Variants in CROT observed in about 807,000 individuals in gnomAD.
The protein encoded by CROT is carnitine O-octanoyltransferase.
CROT carries 84 observed loss-of-function variants against 89.2 expected under a neutral mutation model. That is an observed-to-expected ratio of 0.94 (90% CI 0.79 to 1.13). CROT has a LOEUF of 1.13. Among genes scored for constraint, CROT ranks in the 50% most tolerant of loss-of-function variants. CROT has a pLI of 0.00. For missense variants in CROT, 711 were observed against 727.8 expected (o/e 0.98, Z 0.27); for synonymous variants, 212 against 239.5 (o/e 0.89, Z 1.06).
intron 14 of CROT, 103 bp from the exon 15 acceptor site, chr7:87,392,463 C>A: frequency 2.4e-6 from 2 of 839,032 alleles, no homozygotes; most frequent in Non-Finnish European, 3.9e-6. Context: ...GAAATCTTTC[C>A]TCTCCCAAAT....
Position 87,398,548 on chromosome 7 carries a change from G to C in CROT, c.1743G>C (p.Trp581Cys). 6.2e-7 allele frequency: 1 copy of C among 1,613,742 alleles called. No homozygotes were observed. Among genetic ancestry groups the C allele is most frequent in the Non-Finnish European group, 8.5e-7 (1 of 1,179,888 alleles). The change falls in exon 18 of 18, where the codon TGG (tryptophan) becomes TGC (cysteine). Residue 581 changes from tryptophan to cysteine, a missense_variant. Transcript: ENST00000331536. ...GGTTTGTTGTGGCCTGTTCAGCCTG[G>C]AAATCCTGTCCCGAGACTGATGCGG... ...DDRFVVACSAWKSCPETDAEK... is the reference protein window; with the variant it reads ...DDRFVVACSACKSCPETDAEK...
rs1054795492 is a variant in CROT at position 87,392,792 on chromosome 7, G to A, written c.1567G>A (p.Glu523Lys). 3.1e-6 allele frequency: 5 copies of A among 1,613,632 alleles called. No individual in the cohort carries two copies. Among genetic ancestry groups the A allele is most frequent in the South Asian group, 2.2e-5 (2 of 91,072 alleles). The change falls in exon 16 of 18, where the codon GAA (glutamate) becomes AAA (lysine). Residue 523 changes from glutamate to lysine, a missense_variant. By Grantham distance (56) the Glu-to-Lys change is moderately conservative (BLOSUM62 1). Transcript: ENST00000331536. ...AAAAGAGGAAGGTCTTCCTGTTCCA[G>A]AACTCTTTACGGACCCACTTTTTTC... is the stretch of plus-strand genomic sequence containing the variant. ...IAKEEGLPVP[E>K]LFTDPLFSKS...
chr7:87,391,478 T>C, intron 13 of CROT, 111 bp from the exon 14 acceptor site: 1 of 1,017,498 alleles, frequency 9.8e-7, no homozygotes, highest in East Asian at 2.7e-5. Context: ...AACCTATCTG[T>C]GTTAAAGGGC....
At chr7:87,351,329 A>AG (rs1194608394) in intron 3 of CROT, among the ~76,000 whole-genome samples, 1 of 151,210 alleles carries the variant, frequency 6.6e-6, no homozygotes, top group African/African-American at 2.4e-5. Flanking sequence ...AAAAAAAAAA[A>AG]AAAGAAAAGG....
At chr7:87,353,441 G>A (rs1584618868) in intron 3 of CROT, among the ~76,000 whole-genome samples, 3 of 152,084 alleles carry the variant, frequency 2.0e-5, no homozygotes, top group East Asian at 3.9e-4. Context: ...GAGCCACTAC[G>A]CCTGGCCCTT....
chr7:87,389,629 G>A (rs1235245719), intron 13 of CROT, among the ~76,000 whole-genome samples: 4 of 151,752 alleles, frequency 2.6e-5, no homozygotes, highest in Non-Finnish European at 5.9e-5. Flanking sequence ...TCATGGGGTG[G>A]GGGGCTAGGG....
intron 2 of CROT, among the ~76,000 whole-genome samples, chr7:87,348,149 C>T (rs573556117): frequency 2.6e-5 from 4 of 151,942 alleles, no homozygotes; most frequent in Non-Finnish European, 5.9e-5. Context: ...TCAATATTAA[C>T]GTTCTTTGAT....
At chr7:87,397,210 G>A (rs1252019701) in intron 17 of CROT, among the ~76,000 whole-genome samples, 5 of 152,020 alleles carry the variant, frequency 3.3e-5, no homozygotes, top group Admixed American at 6.6e-5. Flanking sequence ...AAATTAGCTG[G>A]TGTGGTAGCA....
intron 7 of CROT, among the ~76,000 whole-genome samples, chr7:87,370,835 A>G (rs898965666): frequency 1.3e-5 from 2 of 152,166 alleles, no homozygotes; most frequent in South Asian, 2.1e-4. Flanking sequence ...TTCTGTCTGG[A>G]GCACACCCAG....
chr7:87,395,086 A>G (rs1423778636), intron 17 of CROT, among the ~76,000 whole-genome samples: 2 of 152,190 alleles, frequency 1.3e-5, no homozygotes, highest in Non-Finnish European at 2.9e-5. Context: ...TTTAAGAAGT[A>G]TGTAAGAAGC....
Position 87,392,824 on chromosome 7 carries a change from G to C in CROT, c.1598+1G>C. 6.2e-7 allele frequency: 1 copy of C among 1,612,638 alleles called. No homozygotes were observed. Among genetic ancestry groups the C allele is most frequent in the Non-Finnish European group, 8.5e-7 (1 of 1,179,250 alleles). On this transcript the variant is annotated splice_donor_variant, in intron 16 of 17. Transcript: ENST00000331536. LOFTEE classifies it high-confidence loss of function. ...TTACGGACCCACTTTTTTCCAAAAGGTAATATAGTGTAGTGTTTTACAGCT... is the reference window on the plus strand; with the variant it reads ...TTACGGACCCACTTTTTTCCAAAAGCTAATATAGTGTAGTGTTTTACAGCT...
chr7:87,396,305 C>A (rs1807522404), intron 17 of CROT, among the ~76,000 whole-genome samples: 1 of 152,104 alleles, frequency 6.6e-6, no homozygotes, highest in South Asian at 2.1e-4. Flanking sequence ...GTCACCACAC[C>A]AGAGGAATTA....
intron 3 of CROT, among the ~76,000 whole-genome samples, chr7:87,358,350 C>T (rs1018138776): frequency 5.3e-5 from 8 of 150,166 alleles, no homozygotes; most frequent in East Asian, 3.9e-4. Flanking sequence ...GGAGTGGTGG[C>T]GGGCGCCTGT....
intron 3 of CROT, chr7:87,354,426 G>A (rs1393551779): frequency 5.8e-6 from 3 of 517,402 alleles, no homozygotes; most frequent in African/African-American, 1.9e-5. Flanking sequence ...GTATATTCAA[G>A]GTTATGATTA....
intron 3 of CROT, among the ~76,000 whole-genome samples, chr7:87,357,828 T>A (rs547788300): frequency 1.3e-5 from 2 of 152,356 alleles, no homozygotes; most frequent in Admixed American, 6.5e-5. Context: ...CATTTTAGTG[T>A]GTAAATACAT....
In CROT at chr7:87,392,646, T is replaced by TACA; in HGVS notation, c.1504+4_1504+5insAAC. Reference sequence around the variant, plus strand: ...TGAAAGATTGTTCAGCTGGAAAAGGTACTTAAGTTAAAATTTTTCTGACTT... The same window carrying TACA: ...TGAAAGATTGTTCAGCTGGAAAAGGTACAACTTAAGTTAAAATTTTTCTGACTT... On this transcript the variant is annotated splice_region_variant and intron_variant, in intron 15 of 17. Coordinates refer to ENST00000331536, the MANE Select transcript of CROT (RefSeq NM_021151.4). The TACA allele has an allele frequency of 6.2e-7, 1 of 1,612,478 alleles. No individual in the cohort carries two copies. Among genetic ancestry groups the TACA allele is most frequent in the Non-Finnish European group, 8.5e-7 (1 of 1,179,094 alleles).
intron 4 of CROT, chr7:87,359,613 C>A (rs1222758965): frequency 8.6e-7 from 1 of 1,168,506 alleles, no homozygotes; most frequent in Non-Finnish European, 1.1e-6. Flanking sequence ...GGTTTGGCTG[C>A]AGGTAATCTG....
chr7:87,381,076 A>T (rs1010954853), intron 10 of CROT, among the ~76,000 whole-genome samples: 2 of 152,146 alleles, frequency 1.3e-5, no homozygotes, highest in Non-Finnish European at 2.9e-5. Flanking sequence ...TTAGGGTGAC[A>T]TTTAAGACAC....
At chr7:87,384,510 C>T (rs903256395) in intron 13 of CROT, among the ~76,000 whole-genome samples, 4 of 152,116 alleles carry the variant, frequency 2.6e-5, no homozygotes, top group South Asian at 2.1e-4. Context: ...CCAGCCTGGG[C>T]GACAGAGCAA....
Sources: gnomAD v4.1 joint callset for allele counts (sites outside exome capture counted in the v4.1 genomes callset) on GRCh38, gnomAD v4.1.1 for gene constraint, MANE v1.5 for transcripts, NCBI Gene and HGNC (gene_info 2026-07-23, HGNC 2026-07-21) for gene names.